ENTHD1: variants seen among roughly 807,000 people sequenced by gnomAD.
ENTHD1 encodes the protein ENTH domain-containing protein 1.
A neutral mutation model predicts 39.1 loss-of-function variants in ENTHD1; 23 were observed. The observed-to-expected ratio is 0.59, with a 90% confidence interval of 0.42 to 0.83. ENTHD1 has a LOEUF of 0.83. ENTHD1 is among the 40% of genes least tolerant of loss of function. ENTHD1 has a pLI of 0.00. For synonymous variants in ENTHD1, 230 were observed against 258.2 expected, an observed-to-expected ratio of 0.89 and a Z score of 1.05; for missense variants, 624 against 705.4, an observed-to-expected ratio of 0.88 and a Z score of 1.31.
At chr22:39,784,262 T>C (rs893318632) in intron 5 of ENTHD1, among the ~76,000 whole-genome samples, 7 of 152,070 alleles carry the variant, frequency 4.6e-5, no homozygotes, top group Admixed American at 3.9e-4. Context: ...CTGGTGAGAA[T>C]GTGGAGAAAG....
At chr22:39,876,164 G>A in intron 2 of ENTHD1, 1 of 1,509,710 alleles carries the variant, frequency 6.6e-7, no homozygotes, top group Non-Finnish European at 8.9e-7. Context: ...TGTCACCTCA[G>A]GAGACTTATT....
At chr22:39,766,280 C>G (rs1359313369) in intron 5 of ENTHD1, among the ~76,000 whole-genome samples, 4 of 152,032 alleles carry the variant, frequency 2.6e-5, no homozygotes, top group African/African-American at 9.7e-5. Flanking sequence ...GTTAATATCA[C>G]CAAAGTACAT....
chr22:39,874,899 C>T (rs984597178), intron 2 of ENTHD1, among the ~76,000 whole-genome samples: 1 of 152,138 alleles, frequency 6.6e-6, no homozygotes, highest in Non-Finnish European at 1.5e-5. Flanking sequence ...AACAAATTCT[C>T]ATATATTGGT....
In ENTHD1 at chr22:39,861,796, C is replaced by T. The variant is rs764493201; in HGVS notation, c.561G>A (p.Lys187=). The T allele has an allele frequency of 6.3e-6, 10 of 1,579,172 alleles. No individual in the cohort carries two copies. Among genetic ancestry groups the T allele is most frequent in the Non-Finnish European group, 6.9e-6 (8 of 1,158,378 alleles). Residue 187 remains lysine, a synonymous_variant, in exon 3 of 7, where the codon AAG becomes AAA. Coordinates refer to ENST00000325157, the MANE Select transcript of ENTHD1 (RefSeq NM_152512.4). Reference sequence around the variant, plus strand: ...TATGTAACCTTCCAAACTTAGGAAGCTTATACTTCTTCTCTGAAGCAGAAA... The same window carrying T: ...TATGTAACCTTCCAAACTTAGGAAGTTTATACTTCTTCTCTGAAGCAGAAA... ...PDISASEKKY[K]LPKFGRLHNK...
At chr22:39,776,036 T>C (rs1489368273) in intron 5 of ENTHD1, among the ~76,000 whole-genome samples, 3 of 152,002 alleles carry the variant, frequency 2.0e-5, no homozygotes, top group African/African-American at 7.2e-5. Context: ...CATAGGCACA[T>C]GCCACCACAT....
intron 2 of ENTHD1, among the ~76,000 whole-genome samples, chr22:39,881,565 T>C (rs1462158368): frequency 6.6e-6 from 1 of 152,216 alleles, no homozygotes; most frequent in Non-Finnish European, 1.5e-5. Context: ...CAGGCACTGC[T>C]GAGGATACTG....
chr22:39,828,290 A>G (rs988014728), intron 4 of ENTHD1, among the ~76,000 whole-genome samples: 1 of 152,220 alleles, frequency 6.6e-6, no homozygotes, highest in Non-Finnish European at 1.5e-5. Context: ...ACACTTTTCA[A>G]TAAGTGCTTT....
intron 2 of ENTHD1, chr22:39,875,853 C>G: frequency 6.2e-7 from 1 of 1,613,954 alleles, no homozygotes; most frequent in Non-Finnish European, 8.5e-7. Context: ...AAGCAGGAAG[C>G]TGCAGTTGAA....
intron 5 of ENTHD1, among the ~76,000 whole-genome samples, chr22:39,802,557 G>A (rs141490906): frequency 1.7e-3 from 265 of 152,264 alleles, no homozygotes; most frequent in African/African-American, 5.8e-3. Context: ...TGGCTCCTAC[G>A]CAGAAAGGCA....
chr22:39,853,328 C>T (rs1434834752), intron 3 of ENTHD1, among the ~76,000 whole-genome samples: 5 of 151,946 alleles, frequency 3.3e-5, no homozygotes, highest in African/African-American at 7.3e-5. Flanking sequence ...GTCAGGAGTT[C>T]GAGACCAGCC....
At chr22:39,846,276 C>T (rs1287093500) in intron 3 of ENTHD1, among the ~76,000 whole-genome samples, 2 of 152,190 alleles carry the variant, frequency 1.3e-5, no homozygotes, top group African/African-American at 2.4e-5. Context: ...TCACAGCTCA[C>T]TGCAGCCTCT....
At chr22:39,767,091 A>T (rs1432364798) in intron 5 of ENTHD1, among the ~76,000 whole-genome samples, 2 of 152,190 alleles carry the variant, frequency 1.3e-5, no homozygotes, top group African/African-American at 2.4e-5. Flanking sequence ...GCAAGGAGTC[A>T]TCTTCGTGTC....
At chr22:39,815,556 T>C (rs1209727529) in intron 5 of ENTHD1, among the ~76,000 whole-genome samples, 1 of 152,200 alleles carries the variant, frequency 6.6e-6, no homozygotes, top group East Asian at 1.9e-4. Context: ...ACTAGAACTT[T>C]GGAAAACAAT....
intron 5 of ENTHD1, among the ~76,000 whole-genome samples, chr22:39,794,782 C>A (rs2065533623): frequency 6.9e-6 from 1 of 145,878 alleles, no homozygotes; most frequent in Admixed American, 6.9e-5. Flanking sequence ...CCAGCCTGGG[C>A]AACAGAGCAA....
chr22:39,822,938 T>C (rs2065794519), intron 4 of ENTHD1, among the ~76,000 whole-genome samples: 2 of 152,160 alleles, frequency 1.3e-5, no homozygotes, highest in South Asian at 4.1e-4. Context: ...TATAGTACAA[T>C]ATCATACTCA....
intron 2 of ENTHD1, among the ~76,000 whole-genome samples, 194 bp downstream of exon 2, chr22:39,887,206 A>T (rs879308452): frequency 8.7e-4 from 133 of 152,182 alleles, no homozygotes; most frequent in Non-Finnish European, 1.5e-3. Flanking sequence ...TAAACTTTTT[A>T]AAAAAACTTT....
chr22:39,874,608 T>C (rs1049273929), intron 2 of ENTHD1: 5 of 152,090 alleles, frequency 3.3e-5, no homozygotes, highest in Non-Finnish European at 7.3e-5. Flanking sequence ...GCAGAAAATA[T>C]CTATAATATG....
At chr22:39,843,043 T>C (rs1006030046) in intron 3 of ENTHD1, among the ~76,000 whole-genome samples, 2 of 151,814 alleles carry the variant, frequency 1.3e-5, no homozygotes, top group African/African-American at 4.8e-5. Flanking sequence ...ATGGTGGAAG[T>C]CAGTGTGGCA....
At chr22:39,795,706 C>T (rs2065543280) in intron 5 of ENTHD1, among the ~76,000 whole-genome samples, 1 of 151,878 alleles carries the variant, frequency 6.6e-6, no homozygotes, top group African/African-American at 2.4e-5. Context: ...GGATTACAGG[C>T]ATGAGACACT....
Sources: gnomAD v4.1 joint callset for allele counts (sites outside exome capture counted in the v4.1 genomes callset) on GRCh38, gnomAD v4.1.1 for gene constraint, MANE v1.5 for transcripts, NCBI Gene and HGNC (gene_info 2026-07-23, HGNC 2026-07-21) for gene names.